Variants in BTD observed in about 807,000 individuals in gnomAD.
BTD encodes biocytinase.
A neutral mutation model predicts 17.7 loss-of-function variants in BTD; 13 were observed. That is an observed-to-expected ratio of 0.74 (90% CI 0.48 to 1.17). The LOEUF is 1.17. Among genes scored for constraint, BTD ranks in the 50% most tolerant of loss-of-function variants. The pLI, the probability that BTD is intolerant of heterozygous loss-of-function variation, is 0.00. For synonymous variants in BTD, 240 were observed against 245.2 expected (o/e 0.98, Z 0.20); for missense variants, 674 against 650.4 (o/e 1.04, Z -0.39).
downstream of BTD, among the ~76,000 whole-genome samples, chr3:15,654,933 A>G (rs1229913112): frequency 6.6e-6 from 1 of 152,090 alleles, no homozygotes; most frequent in Admixed American, 6.5e-5. Context: ...GGGTTTCTTC[A>G]TGTTGGTCAG....
intron 2 of BTD, among the ~76,000 whole-genome samples, chr3:15,636,281 C>T (rs1234785449): frequency 1.3e-5 from 2 of 152,140 alleles, no homozygotes; most frequent in African/African-American, 2.4e-5. Context: ...GGCTCGTTTC[C>T]GGTCTCTATG....
rs181160914 is a variant in BTD, at chr3:15,618,776, C to T, written c.-16-16648C>T. 2.8e-4 allele frequency among the ~76,000 whole-genome samples: 42 copies of T among 152,290 alleles called. 1 individual carries two copies. The highest frequency in any genetic ancestry group is 9.6e-4 in the African/African-American group (40 of 41,564). The stretch of plus-strand genomic sequence containing the variant: ...TCCTGACCTCGTGATCCACCTGCCT[C>T]AGCCTCCCAAAGTGCTGGGATTACA... On this transcript the variant is annotated intron_variant, in intron 1 of 3. Coordinates refer to ENST00000643237, the MANE Select transcript of BTD (RefSeq NM_001370658.1).
intron 3 of BTD, among the ~76,000 whole-genome samples, chr3:15,662,756 G>A (rs920526944): frequency 4.0e-5 from 6 of 151,528 alleles, no homozygotes; most frequent in Non-Finnish European, 7.4e-5. Context: ...CACCTCACCC[G>A]CCTGAGCAGC....
intron 3 of BTD, among the ~76,000 whole-genome samples, chr3:15,673,480 C>A (rs35606675): frequency 6.6e-6 from 1 of 152,022 alleles, no homozygotes; most frequent in Non-Finnish European, 1.5e-5. Flanking sequence ...TCTTGTGGAG[C>A]TTACATTCAC....
chr3:15,660,530 A>G (rs948527458), intron 3 of BTD, among the ~76,000 whole-genome samples: 3 of 152,266 alleles, frequency 2.0e-5, no homozygotes, highest in African/African-American at 7.2e-5. Flanking sequence ...AGAAGCCACC[A>G]AGGATCACAT....
chr3:15,602,383 T>C, intron 1 of BTD: 2 of 929,370 alleles, frequency 2.2e-6, no homozygotes, highest in Non-Finnish European at 2.6e-6. Flanking sequence ...CTTTCCAAAA[T>C]TAGGAACTAT....
At chr3:15,690,495 A>T (rs1033384049) in intron 3 of BTD, among the ~76,000 whole-genome samples, 1 of 152,218 alleles carries the variant, frequency 6.6e-6, no homozygotes, top group Non-Finnish European at 1.5e-5. Context: ...CTCACGGCAG[A>T]CATTCAATGG....
chr3:15,706,792 T>A (rs895796741), intron 3 of BTD, among the ~76,000 whole-genome samples: 3 of 152,222 alleles, frequency 2.0e-5, no homozygotes, highest in Non-Finnish European at 4.4e-5. Flanking sequence ...CTAACTGGTG[T>A]GAGATGGTAT....
intron 3 of BTD, chr3:15,677,428 AG>A: frequency 7.2e-7 from 1 of 1,382,766 alleles, no homozygotes; most frequent in Non-Finnish European, 1.0e-6. Context: ...AAAACTTTTA[AG>A]GTCACTGTTA....
At chr3:15,659,745 T>C (rs1267371183) in intron 3 of BTD, among the ~76,000 whole-genome samples, 1 of 152,170 alleles carries the variant, frequency 6.6e-6, no homozygotes, top group Non-Finnish European at 1.5e-5. Context: ...CTTTCAGGAG[T>C]GTGTCCCACA....
intron 1 of BTD, among the ~76,000 whole-genome samples, chr3:15,632,000 C>T (rs546302075): frequency 6.6e-6 from 1 of 152,272 alleles, no homozygotes; most frequent in East Asian, 1.9e-4. Context: ...CTCCTTGTCC[C>T]CTTGGCTCCA....
chr3:15,720,556 C>A (rs555386877), intron 4 of BTD, among the ~76,000 whole-genome samples: 7 of 152,276 alleles, frequency 4.6e-5, no homozygotes, highest in African/African-American at 1.4e-4. Flanking sequence ...TCAGTTTTGA[C>A]AAATGTATAT....
intron 2 of BTD, among the ~76,000 whole-genome samples, chr3:15,637,350 G>A (rs532575464): frequency 4.6e-5 from 7 of 151,966 alleles, no homozygotes; most frequent in Non-Finnish European, 8.8e-5. Context: ...GCAGCCACAT[G>A]TCTCATTATG....
At chr3:15,713,125 A>G (rs372127957), downstream of BTD, among the ~76,000 whole-genome samples, 1 of 152,310 alleles carries the variant, frequency 6.6e-6, no homozygotes, top group East Asian at 1.9e-4. Context: ...GTAGGATTCC[A>G]AGGAATCCCT....
intron 1 of BTD, chr3:15,602,187 C>T (rs1205199860): frequency 1.4e-6 from 2 of 1,393,596 alleles, no homozygotes; most frequent in Non-Finnish European, 1.9e-6. Flanking sequence ...CAGATGTGTA[C>T]CCCAGCAAGA....
At chr3:15,670,628 TA>T in intron 3 of BTD, 4 of 1,431,464 alleles carry the variant, frequency 2.8e-6, no homozygotes, top group Non-Finnish European at 3.8e-6. Flanking sequence ...GAAATAAGCC[TA>T]AAGTACTTCA....
rs1166528239 is a variant in BTD, at chr3:15,635,320, C to T, written c.-16-104C>T. On this transcript the variant is annotated intron_variant, in intron 1 of 3. Coordinates refer to ENST00000643237, the MANE Select transcript of BTD (RefSeq NM_001370658.1). This position sits in a 1 kb window ranked among gnomAD's most constrained non-coding sequence, Gnocchi z 4.1. ...AACTCTTTGAGCCGCAGTATCACTG[C>T]GAGTGAGTTTAATTGCTGGGATTAA... is the stretch of plus-strand genomic sequence containing the variant. 9.7e-6 allele frequency: 15 copies of T among 1,541,578 alleles called. No homozygotes were observed. The highest frequency in any genetic ancestry group is 5.0e-5 in the Admixed American group (3 of 59,912).
At position 15,635,157 on chromosome 3, in the gene BTD, G is replaced by A. The variant is rs2065310682; in HGVS notation, c.-16-267G>A. Among the ~76,000 whole-genome samples, 1 of 152,224 alleles carries A rather than the reference G, an allele frequency of 6.6e-6. No homozygotes were observed. Among genetic ancestry groups the A allele is most frequent in the African/African-American group, 2.4e-5 (1 of 41,460 alleles). ...GCACTACAGTCTTGCTGAACACTGG[G>A]TAAGAAAATCATAGCAAACGTTGAG... On this transcript the variant is annotated intron_variant, in intron 1 of 3. Coordinates refer to ENST00000643237, the MANE Select transcript of BTD (RefSeq NM_001370658.1). The surrounding 1 kb of genome is among the most constrained non-coding windows in gnomAD (Gnocchi z 4.1).
intron 3 of BTD, among the ~76,000 whole-genome samples, chr3:15,666,405 C>CT (rs2065991827): frequency 4.0e-5 from 2 of 49,914 alleles, no homozygotes; most frequent in African/African-American, 2.0e-4. Context: ...TACTTCATCT[C>CT]CCCCTTTCCT....
Sources: gnomAD v4.1 joint callset for allele counts (sites outside exome capture counted in the v4.1 genomes callset) on GRCh38, gnomAD v4.1.1 for gene constraint, Gnocchi (gnomAD v3.1) non-coding constraint, MANE v1.5 for transcripts, NCBI Gene and HGNC (gene_info 2026-07-23, HGNC 2026-07-21) for gene names.